The following TNRC6A variants were observed in gnomAD, a reference collection of about 807,000 sequenced individuals.
TNRC6A encodes the protein trinucleotide repeat-containing gene 6A protein.
In TNRC6A, 44 loss-of-function variants were observed where a neutral mutation model predicts 221.2. The ratio of observed to expected loss-of-function variants is 0.20; its 90% CI spans 0.16 to 0.26. The LOEUF is 0.26. Among genes scored for constraint, TNRC6A ranks in the 10% least tolerant of loss-of-function variants. TNRC6A has a pLI of 1.00. For synonymous variants in TNRC6A, 847 were observed against 838.5 expected (o/e 1.01, Z -0.18); for missense variants, 2,199 against 2,404.4 (o/e 0.91, Z 1.79).
At chr16:24,711,156 C>T (rs965307749) in intron 2 of TNRC6A, among the ~76,000 whole-genome samples, 3 of 151,422 alleles carry the variant, frequency 2.0e-5, no homozygotes, top group African/African-American at 4.9e-5. Flanking sequence ...ATTACAGGCG[C>T]GCATTGCACC....
intron 1 of TNRC6A, among the ~76,000 whole-genome samples, chr16:24,612,140 A>G (rs1165086862): frequency 2.6e-5 from 4 of 152,142 alleles, no homozygotes; most frequent in African/African-American, 9.7e-5. Flanking sequence ...ATTAAATTAA[A>G]TCATGGCAGT....
At chr16:24,760,874 T>A (rs2057349278) in intron 4 of TNRC6A, among the ~76,000 whole-genome samples, 1 of 152,212 alleles carries the variant, frequency 6.6e-6, no homozygotes, top group South Asian at 2.1e-4. Flanking sequence ...AAACCAACCA[T>A]GATACTAACC....
In TNRC6A at chr16:24,689,329, G is replaced by A. The variant is rs556117669; in HGVS notation, n.402+48320G>A. ...TTAGGAAGAGCCCTCTGGTGGCAGC[G>A]AGGAAGGTGGGCAGGATTTGAGACC... is the stretch of plus-strand genomic sequence containing the variant. On this transcript the variant is annotated intron_variant and non_coding_transcript_variant, in intron 2 of 2. Transcript: ENST00000566108. 9.2e-5 allele frequency among the ~76,000 whole-genome samples: 14 copies of A among 152,300 alleles called. No individual in the cohort carries two copies. In the East Asian group the frequency reaches 1.2e-3, roughly 13 times the overall value.
chr16:24,731,327 G>T (rs775998870), intron 2 of TNRC6A, among the ~76,000 whole-genome samples: 4 of 151,950 alleles, frequency 2.6e-5, no homozygotes, highest in Non-Finnish European at 5.9e-5. Context: ...ATTTCAAATC[G>T]TCTGAATATT....
intron 1 of TNRC6A, among the ~76,000 whole-genome samples, chr16:24,613,143 A>G (rs898187307): frequency 6.7e-6 from 1 of 148,344 alleles, no homozygotes; most frequent in East Asian, 2.0e-4. Flanking sequence ...AAAAAAAAGG[A>G]ATCTATAACT....
chr16:24,757,026 A>G (rs894141499), intron 3 of TNRC6A, among the ~76,000 whole-genome samples: 3 of 152,152 alleles, frequency 2.0e-5, no homozygotes, highest in South Asian at 2.1e-4. Flanking sequence ...ACTTCTCTCT[A>G]ATAAGACTTG....
At chr16:24,801,298 A>G (rs1567498707) in intron 11 of TNRC6A, among the ~76,000 whole-genome samples, 1 of 152,134 alleles carries the variant, frequency 6.6e-6, no homozygotes, top group South Asian at 2.1e-4. Context: ...CAGAAGTGGG[A>G]CAAGTTAGAG....
intron 2 of TNRC6A, among the ~76,000 whole-genome samples, chr16:24,694,626 C>A (rs8048357): frequency 0.45 from 60,138 of 133,790 alleles, 14,100 homozygotes; most frequent in African/African-American, 0.61. Context: ...TGCACTCCAG[C>A]CTGGGTGACA....
At chr16:24,648,274 C>CTTTTTTTTTTTTTTTTTTTTTTT (rs71156430) in intron 2 of TNRC6A, among the ~76,000 whole-genome samples, 2 of 97,872 alleles carry the variant, frequency 2.0e-5, no homozygotes, top group East Asian at 2.6e-4. Flanking sequence ...TCCACAGCAA[C>CTTTTTTTTTTTTTTTTTTTTTTT]TTTTTTTTTT....
At chr16:24,758,011 A>T (rs1040773787) in intron 3 of TNRC6A, among the ~76,000 whole-genome samples, 2 of 152,254 alleles carry the variant, frequency 1.3e-5, no homozygotes, top group Admixed American at 6.5e-5. Flanking sequence ...GACAGTTTGT[A>T]TAAAAATCAT....
intron 2 of TNRC6A, among the ~76,000 whole-genome samples, chr16:24,644,081 A>ATTTTTTTTTTTTT (rs748251760): frequency 7.4e-5 from 6 of 81,560 alleles, no homozygotes; most frequent in Non-Finnish European, 1.1e-4. Context: ...CTTATCTTTA[A>ATTTTTTTTTTTTT]TTTTTTTTTT....
chr16:24,797,380 A>G, intron 9 of TNRC6A, 110 bp from the exon 10 acceptor site: 1 of 717,406 alleles, frequency 1.4e-6, no homozygotes, highest in Non-Finnish European at 2.3e-6. Context: ...AGGAGAAATT[A>G]TTGGCTAAAA....
chr16:24,761,762 C>T (rs1018672234), intron 4 of TNRC6A, among the ~76,000 whole-genome samples: 14 of 152,054 alleles, frequency 9.2e-5, no homozygotes, highest in Admixed American at 8.5e-4. Flanking sequence ...AACTCCTAGA[C>T]TCACACGATC....
rs547830983 is a variant in TNRC6A at position 24,793,594 on chromosome 16, C to G, written c.3297C>G (p.Ser1099=). 59 of 1,560,694 alleles carry G rather than the reference C, an allele frequency of 3.8e-5. 2 individuals carry two copies. In the South Asian group the frequency reaches 5.8e-4, roughly 15 times the overall value. The change falls in exon 7 of 25, where the codon TCC becomes TCG. Residue 1099 remains serine, a synonymous_variant. Coordinates refer to ENST00000395799, the MANE Select transcript of TNRC6A (RefSeq NM_014494.4). ...GGGGGGAACCCATTGCTGCGGCATC[C>G]AGCACATCCACGTGGGGCTCCAGCT... ...PSWGEPIAAA[S]STSTWGSSSV...
At chr16:24,690,386 T>C (rs1008114639) in intron 2 of TNRC6A, among the ~76,000 whole-genome samples, 2 of 152,244 alleles carry the variant, frequency 1.3e-5, no homozygotes, top group African/African-American at 4.8e-5. Flanking sequence ...GTTCCCAATA[T>C]ATGGTCTTCA....
chr16:24,818,491 C>G, intron 20 of TNRC6A, 102 bp from the exon 21 acceptor site: 1 of 869,100 alleles, frequency 1.2e-6, no homozygotes, highest in Non-Finnish European at 1.9e-6. Context: ...TGTTTCCTTT[C>G]TTGTGGCATA....
At chr16:24,717,514 A>G (rs2056334573) in intron 2 of TNRC6A, among the ~76,000 whole-genome samples, 1 of 152,210 alleles carries the variant, frequency 6.6e-6, no homozygotes. Context: ...TACCCACTTT[A>G]TCCTCGGTGA....
chr16:24,823,248 A>G lies in TNRC6A; in HGVS notation c.5514-184A>G, dbSNP rs2058803604. 6.6e-6 allele frequency among the ~76,000 whole-genome samples: 1 copy of G among 152,200 alleles called. No homozygotes were observed. Among genetic ancestry groups the G allele is most frequent in the African/African-American group, 2.4e-5 (1 of 41,448 alleles). ...GGAAGTTCGCTCTGGGCAAGGCACC[A>G]GGCCCTGGAGAGCTGTGGGTGCACA... On this transcript the variant is annotated intron_variant, in intron 24 of 24. Transcript: ENST00000395799. The surrounding 1 kb of genome is among the most constrained non-coding windows in gnomAD (Gnocchi z 4.3).
At chr16:24,610,842 G>C (rs1900015272) in intron 1 of TNRC6A, among the ~76,000 whole-genome samples, 1 of 150,880 alleles carries the variant, frequency 6.6e-6, no homozygotes. Flanking sequence ...ACAGAATCTC[G>C]CTCCGTCGCC....
Sources: allele counts gnomAD v4.1 joint callset (sites outside exome capture counted in the v4.1 genomes callset), GRCh38; gene constraint gnomAD v4.1.1; non-coding constraint Gnocchi (gnomAD v3.1); transcripts MANE v1.5; gene names NCBI Gene and HGNC (gene_info 2026-07-23, HGNC 2026-07-21).